CYP39A1: variants seen among roughly 807,000 people sequenced by gnomAD.
CYP39A1 encodes cytochrome P450 family 39 subfamily A member 1.
CYP39A1 carries 49 observed loss-of-function variants against 58.1 expected under a neutral mutation model. The ratio of observed to expected loss-of-function variants is 0.84; its 90% CI spans 0.67 to 1.07. CYP39A1 has a LOEUF of 1.07. Among genes scored for constraint, CYP39A1 ranks in the 50% least tolerant of loss-of-function variants. The pLI, the probability that CYP39A1 is intolerant of heterozygous loss-of-function variation, is 0.00. For missense variants in CYP39A1, 531 were observed against 539.4 expected (o/e 0.98, Z 0.16); for synonymous variants, 209 against 187.6 (o/e 1.11, Z -0.93).
rs3799874 is a variant in CYP39A1 at position 46,612,119 on chromosome 6, C to T, written c.931+13299G>A. 3.1e-3 allele frequency among the ~76,000 whole-genome samples: 466 copies of T among 152,306 alleles called. 20 individuals are homozygous for T. In the East Asian group the frequency reaches 0.074, roughly 24 times the overall value. On this transcript the variant is annotated intron_variant, in intron 7 of 11. Transcript: ENST00000275016. ...ATGAACAGGGATATCAAATAATCTACAGCTATCAGAGGCATCTCTTTCAGC... is the reference window on the plus strand; with the variant it reads ...ATGAACAGGGATATCAAATAATCTATAGCTATCAGAGGCATCTCTTTCAGC...
chr6:46,622,475 T>C lies in CYP39A1; in HGVS notation c.931+2943A>G, dbSNP rs530007652. On this transcript the variant is annotated intron_variant, in intron 7 of 11. Transcript: ENST00000275016. ...CCATTAAAAAAAATGAAGCCCAATATGCTGGCACACACTTGTGGTCCTAGC... is the reference window on the plus strand; with the variant it reads ...CCATTAAAAAAAATGAAGCCCAATACGCTGGCACACACTTGTGGTCCTAGC... Among the ~76,000 whole-genome samples the C allele has an allele frequency of 2.0e-5, 3 of 150,948 alleles. 1 individual carries two copies. In the South Asian group the frequency reaches 6.2e-4, roughly 31 times the overall value.
chr6:46,599,162 T>A (rs919380771), intron 7 of CYP39A1, among the ~76,000 whole-genome samples: 1 of 152,152 alleles, frequency 6.6e-6, no homozygotes, highest in Non-Finnish European at 1.5e-5. Flanking sequence ...ACAGGTAGTT[T>A]GCAAGTGCTG....
At chr6:46,602,248 T>C (rs1773556139) in intron 7 of CYP39A1, among the ~76,000 whole-genome samples, 4 of 152,112 alleles carry the variant, frequency 2.6e-5, no homozygotes, top group Admixed American at 2.0e-4. Flanking sequence ...ATGGGAGGTA[T>C]GTAGAGAAGT....
chr6:46,569,194 T>C (rs1245955015), intron 10 of CYP39A1, among the ~76,000 whole-genome samples: 1 of 152,128 alleles, frequency 6.6e-6, no homozygotes. Flanking sequence ...TCAGTTAGTA[T>C]ATAAAAATGC....
At chr6:46,629,618 T>C (rs1775527655) in intron 6 of CYP39A1, among the ~76,000 whole-genome samples, 1 of 152,146 alleles carries the variant, frequency 6.6e-6, no homozygotes, top group Non-Finnish European at 1.5e-5. Flanking sequence ...AACTAGAATA[T>C]CATGACTGAG....
intron 7 of CYP39A1, among the ~76,000 whole-genome samples, chr6:46,619,368 C>T (rs1554164690): frequency 6.6e-6 from 1 of 152,102 alleles, no homozygotes; most frequent in Non-Finnish European, 1.5e-5. Flanking sequence ...CTAGGTACTA[C>T]AAAGACCAAC....
chr6:46,637,894 A>C lies in CYP39A1; in HGVS notation c.573T>G (p.His191Gln). Residue 191 changes from histidine to glutamine, a missense_variant, in exon 4 of 12, where the codon CAT becomes CAG. Coordinates refer to ENST00000275016, the MANE Select transcript of CYP39A1 (RefSeq NM_016593.5). ...STNKKKIKEF[H>Q]QYFQVYDEDF... is the part of the protein sequence containing the mutation. Reference sequence around the variant, plus strand: ...CTTCATCATAAACTTGAAAATACTGATGGAACTCCTTGATTTTTTTCTTGT... The same window carrying C: ...CTTCATCATAAACTTGAAAATACTGCTGGAACTCCTTGATTTTTTTCTTGT... 6.2e-7 allele frequency: 1 copy of C among 1,612,914 alleles called. No homozygotes were observed. The highest frequency in any genetic ancestry group is 2.2e-5 in the East Asian group (1 of 44,820).
At chr6:46,624,391 C>G (rs1775172385) in intron 7 of CYP39A1, among the ~76,000 whole-genome samples, 2 of 152,186 alleles carry the variant, frequency 1.3e-5, no homozygotes, top group African/African-American at 2.4e-5. Context: ...TCACCAGTGT[C>G]TTTCCAGAAT....
intron 10 of CYP39A1, among the ~76,000 whole-genome samples, chr6:46,566,116 G>GCAT (rs1771258542): frequency 6.6e-6 from 1 of 152,088 alleles, no homozygotes; most frequent in African/African-American, 2.4e-5. Flanking sequence ...GATTATAAGT[G>GCAT]GCTGTTACTA....
At chr6:46,635,937 G>A (rs1775958109) in intron 5 of CYP39A1, among the ~76,000 whole-genome samples, 1 of 152,122 alleles carries the variant, frequency 6.6e-6, no homozygotes, top group Non-Finnish European at 1.5e-5. Flanking sequence ...AAGAACCACA[G>A]ATCTGGAATA....
Position 46,601,121 on chromosome 6 carries a change from T to G in CYP39A1, c.932-5001A>C, listed in dbSNP as rs896371697. Among the ~76,000 whole-genome samples, 5 of 152,206 alleles carry G rather than the reference T, an allele frequency of 3.3e-5. No homozygotes were observed. In the East Asian group the frequency reaches 9.6e-4, roughly 29 times the overall value. On this transcript the variant is annotated intron_variant, in intron 7 of 11. Coordinates refer to ENST00000275016, the MANE Select transcript of CYP39A1 (RefSeq NM_016593.5). ...TGTTTGGTGTGGAAAACCCACACAT[T>G]TGGTGTCAGAAGTGTTGTGTGTAGA...
intron 11 of CYP39A1, among the ~76,000 whole-genome samples, chr6:46,553,291 A>C (rs1206434370): frequency 2.6e-5 from 4 of 152,240 alleles, no homozygotes; most frequent in African/African-American, 9.6e-5. Context: ...AGTTTGAGGT[A>C]GGAATAAAAC....
At chr6:46,612,590 C>T (rs1463408616) in intron 7 of CYP39A1, among the ~76,000 whole-genome samples, 1 of 152,146 alleles carries the variant, frequency 6.6e-6, no homozygotes, top group African/African-American at 2.4e-5. Flanking sequence ...GCTAGGCTAG[C>T]AAAGGTAAAT....
chr6:46,583,293 G>A, intron 10 of CYP39A1: 1 of 985,314 alleles, frequency 1.0e-6, no homozygotes, highest in Non-Finnish European at 1.2e-6. Flanking sequence ...CAATGACACA[G>A]CAAATCAGGC....
intron 10 of CYP39A1, among the ~76,000 whole-genome samples, chr6:46,554,876 T>G (rs1212997356): frequency 6.6e-6 from 1 of 152,134 alleles, no homozygotes; most frequent in African/African-American, 2.4e-5. Context: ...AGTCCCTCCA[T>G]GACTCCCTCA....
intron 10 of CYP39A1, among the ~76,000 whole-genome samples, chr6:46,570,536 A>G (rs1378329882): frequency 6.6e-6 from 1 of 152,134 alleles, no homozygotes; most frequent in Non-Finnish European, 1.5e-5. Context: ...GTGTTCGTTC[A>G]TTTGTGTTGC....
chr6:46,560,392 G>A (rs1770912062), intron 10 of CYP39A1, among the ~76,000 whole-genome samples: 1 of 152,214 alleles, frequency 6.6e-6, no homozygotes, highest in African/African-American at 2.4e-5. Flanking sequence ...GATATATTCT[G>A]TAGGATGGAC....
chr6:46,592,656 TA>T (rs369057878), intron 8 of CYP39A1, among the ~76,000 whole-genome samples: 4 of 152,050 alleles, frequency 2.6e-5, no homozygotes, highest in African/African-American at 9.6e-5. Context: ...TGTGTTTTAT[TA>T]AAACAGAAAA....
At chr6:46,641,400 T>G (rs553223623) in intron 2 of CYP39A1, among the ~76,000 whole-genome samples, 22 of 152,210 alleles carry the variant, frequency 1.4e-4, no homozygotes, top group South Asian at 1.0e-3. Flanking sequence ...TAAAACAAAC[T>G]TTCTTGTCTT....
Sources: gnomAD v4.1 joint callset for allele counts (sites outside exome capture counted in the v4.1 genomes callset) on GRCh38, gnomAD v4.1.1 for gene constraint, MANE v1.5 for transcripts, NCBI Gene and HGNC (gene_info 2026-07-23, HGNC 2026-07-21) for gene names.